The following TRIM44 variants were observed in gnomAD, a reference collection of about 807,000 sequenced individuals.
TRIM44 encodes tripartite motif containing 44.
TRIM44 carries 13 observed loss-of-function variants against 37.4 expected under a neutral mutation model. The observed-to-expected ratio is 0.35, with a 90% CI of 0.23 to 0.55. The LOEUF is 0.55. Among genes scored for constraint, TRIM44 ranks in the 20% least tolerant of loss-of-function variants. The pLI, the probability that TRIM44 is intolerant of heterozygous loss-of-function variation, is 0.89. For synonymous variants in TRIM44, 175 were observed against 157.2 expected (o/e 1.11, Z -0.85); for missense variants, 426 against 437.2 (o/e 0.97, Z 0.23).
At chr11:35,671,501 A>G (rs574369456) in intron 1 of TRIM44, among the ~76,000 whole-genome samples, 8 of 152,332 alleles carry the variant, frequency 5.3e-5, no homozygotes, top group Middle Eastern at 3.4e-3. Context: ...TAATTATACA[A>G]GTTTAGAATT....
chr11:35,786,919 A>G (rs1853138420), intron 4 of TRIM44, among the ~76,000 whole-genome samples: 1 of 152,020 alleles, frequency 6.6e-6, no homozygotes, highest in South Asian at 2.1e-4. Context: ...TTTCCCTCCA[A>G]GGTAGGAGGT....
intron 4 of TRIM44, among the ~76,000 whole-genome samples, chr11:35,745,578 AC>A (rs1403424648): frequency 6.6e-6 from 1 of 152,222 alleles, no homozygotes; most frequent in African/African-American, 2.4e-5. Flanking sequence ...TTTACCATAG[AC>A]CAGTTGATAT....
intron 4 of TRIM44, among the ~76,000 whole-genome samples, chr11:35,781,100 G>C (rs1853059280): frequency 6.6e-6 from 1 of 152,158 alleles, no homozygotes; most frequent in Admixed American, 6.5e-5. Flanking sequence ...CTACAATGTG[G>C]AAAGTGTTCA....
At chr11:35,768,927 GTGT>G (rs1852830704) in intron 4 of TRIM44, among the ~76,000 whole-genome samples, 2 of 152,174 alleles carry the variant, frequency 1.3e-5, no homozygotes, top group Non-Finnish European at 2.9e-5. Flanking sequence ...TAAAATGGTG[GTGT>G]TTTTTAATTT....
intron 4 of TRIM44, among the ~76,000 whole-genome samples, chr11:35,793,187 C>T (rs1304522128): frequency 6.8e-6 from 1 of 146,362 alleles, no homozygotes; most frequent in Non-Finnish European, 1.5e-5. Flanking sequence ...AAAAAGAAAT[C>T]TAGCTGTGCG....
At chr11:35,669,453 C>T (rs1015149374) in intron 1 of TRIM44, among the ~76,000 whole-genome samples, 2 of 144,054 alleles carry the variant, frequency 1.4e-5, no homozygotes, top group African/African-American at 2.6e-5. Context: ...TGGAAAGGAT[C>T]CCCTTTATTT....
Position 35,756,146 on chromosome 11 carries a change from G to C in TRIM44, c.1007+20701G>C, listed in dbSNP as rs921722110. Among the ~76,000 whole-genome samples, 279 of 152,282 alleles carry C rather than the reference G, an allele frequency of 1.8e-3. 2 individuals carry two copies. Among genetic ancestry groups the C allele is most frequent in the African/African-American group, 6.4e-3 (268 of 41,554 alleles). ...TTCTTCCTACGCATGAGCATGGAAT[G>C]TTCTTCCATTTGTTTGTATCCTCTT... is the stretch of plus-strand genomic sequence containing the variant. On this transcript the variant is annotated intron_variant, in intron 4 of 4. Coordinates refer to ENST00000299413, the MANE Select transcript of TRIM44 (RefSeq NM_017583.6).
intron 4 of TRIM44, among the ~76,000 whole-genome samples, chr11:35,746,711 G>A (rs192361022): frequency 3.5e-4 from 54 of 152,200 alleles, no homozygotes; most frequent in African/African-American, 1.3e-3. Context: ...TACCCTAAAT[G>A]GTGAGGTTTT....
At position 35,685,269 on chromosome 11, in the gene TRIM44, C is replaced by T; in HGVS notation, c.680C>T (p.Ser227Leu). The T allele has an allele frequency of 6.2e-7, 1 of 1,614,182 alleles. No individual in the cohort carries two copies. The highest frequency in any genetic ancestry group is 1.1e-5 in the South Asian group (1 of 91,082). Reference protein sequence around the residue: ...EAFEELRSKDSGGLKAAMIEL... With the variant: ...EAFEELRSKDLGGLKAAMIEL... ...TTTTCTTTCTTCTAGAGCAAAGACT[C>T]AGGTGGACTGAAGGCCGCTATGATC... The change falls in exon 2 of 5, where the codon TCA becomes TTA. Residue 227 changes from serine to leucine, a missense_variant. Ser to Leu is a moderately radical substitution (Grantham distance 145). Coordinates refer to ENST00000299413, the MANE Select transcript of TRIM44 (RefSeq NM_017583.6).
In TRIM44 at chr11:35,808,349, A is replaced by G. The variant is rs1853482775; in HGVS notation, c.*1964A>G. On this transcript the variant is annotated 3_prime_UTR_variant, in exon 5 of 5. Coordinates refer to ENST00000299413, the MANE Select transcript of TRIM44 (RefSeq NM_017583.6). ...ACAACCACCAATCATATCCAACAAAAGTACCCTAAAAGAAGGACCAGTGGC... is the reference window on the plus strand; with the variant it reads ...ACAACCACCAATCATATCCAACAAAGGTACCCTAAAAGAAGGACCAGTGGC... 6.6e-6 allele frequency: 1 copy of G among 152,206 alleles called. No individual in the cohort carries two copies. The highest frequency in any genetic ancestry group is 1.5e-5 in the Non-Finnish European group (1 of 68,038). The allele number at this position is 152,206 out of a possible 1,614,324, so 9.4% of individuals were successfully genotyped here.
At position 35,691,764 on chromosome 11, in the gene TRIM44, C is replaced by A. The variant is rs866384931; in HGVS notation, c.747+6428C>A. Among the ~76,000 whole-genome samples the A allele has an allele frequency of 3.3e-5, 5 of 152,302 alleles. No individual in the cohort carries two copies. In the South Asian group the frequency reaches 1.0e-3, roughly 32 times the overall value. On this transcript the variant is annotated intron_variant, in intron 2 of 4. Transcript: ENST00000299413. ...GGTTCACACCATTCTCCTGCCTCAG[C>A]CTCCCAAGTAGTTGGGACTATAGGC...
chr11:35,700,946 T>C (rs1434170800), intron 2 of TRIM44, among the ~76,000 whole-genome samples: 1 of 152,216 alleles, frequency 6.6e-6, no homozygotes, highest in Non-Finnish European at 1.5e-5. Context: ...TATATAAACA[T>C]TACACACACG....
chr11:35,671,507 G>T (rs1247376613), intron 1 of TRIM44, among the ~76,000 whole-genome samples: 1 of 152,162 alleles, frequency 6.6e-6, no homozygotes, highest in Non-Finnish European at 1.5e-5. Flanking sequence ...TACAAGTTTA[G>T]AATTGAGAGG....
In TRIM44 at chr11:35,817,767, TAAC is replaced by T. The variant is rs2059912951; in HGVS notation, c.*11387_*11389del. On this transcript the variant is annotated 3_prime_UTR_variant, in exon 5 of 5. Transcript: ENST00000299413. ...ATCATGGGGGAGTTTTCTCATGATT[TAAC>T]AACATCCGCCCTTTGTTGTCATGAT... 2 of 152,208 alleles carry T rather than the reference TAAC, an allele frequency of 1.3e-5. No individual in the cohort carries two copies. Among genetic ancestry groups the T allele is most frequent in the Admixed American group, 6.5e-5 (1 of 15,292 alleles). 9.4% of individuals were successfully genotyped at this position (152,208 alleles called of 1,614,324 possible). A position where few individuals can be genotyped will look rare whatever the true frequency, so the allele number is the denominator to read the frequency against.
At chr11:35,769,852 T>C (rs1452584724) in intron 4 of TRIM44, among the ~76,000 whole-genome samples, 1 of 152,222 alleles carries the variant, frequency 6.6e-6, no homozygotes, top group Non-Finnish European at 1.5e-5. Context: ...CAATGGATGA[T>C]GTCACCAAAA....
chr11:35,807,835 A>C lies in TRIM44; in HGVS notation c.*1450A>C, dbSNP rs1010854233. 1 of 152,150 alleles carries C rather than the reference A, an allele frequency of 6.6e-6. No individual in the cohort carries two copies. Among genetic ancestry groups the C allele is most frequent in the Non-Finnish European group, 1.5e-5 (1 of 68,022 alleles). The allele number at this position is 152,150 out of a possible 1,614,324, so 9.4% of individuals were successfully genotyped here. A position where few individuals can be genotyped will look rare whatever the true frequency, so the allele number is the denominator to read the frequency against. ...GTGTTCACTTACGAAGCATACAACTAGAACCATATCCAAGCAGACTCTGGG... is the reference window on the plus strand; with the variant it reads ...GTGTTCACTTACGAAGCATACAACTCGAACCATATCCAAGCAGACTCTGGG... On this transcript the variant is annotated 3_prime_UTR_variant, in exon 5 of 5. Transcript: ENST00000299413.
At chr11:35,678,987 A>AT (rs200176750) in intron 1 of TRIM44, among the ~76,000 whole-genome samples, 1,429 of 140,492 alleles carry the variant, frequency 0.01, 9 homozygotes, top group African/African-American at 0.012. Context: ...AGTTGGATTG[A>AT]TTTTTTTTTT....
At chr11:35,706,060 T>C (rs188089186) in intron 2 of TRIM44, among the ~76,000 whole-genome samples, 1,989 of 148,078 alleles carry the variant, frequency 0.013, 97 homozygotes, top group African/African-American at 0.045. Flanking sequence ...ATAGACACAA[T>C]AAAAAATGAT....
At chr11:35,679,415 CT>C (rs1204847908) in intron 1 of TRIM44, among the ~76,000 whole-genome samples, 1 of 152,122 alleles carries the variant, frequency 6.6e-6, no homozygotes, top group Admixed American at 6.5e-5. Flanking sequence ...GTAATATGTA[CT>C]CCTTTGAAGA....
Sources: allele counts gnomAD v4.1 joint callset (sites outside exome capture counted in the v4.1 genomes callset), GRCh38; gene constraint gnomAD v4.1.1; transcripts MANE v1.5; gene names NCBI Gene and HGNC (gene_info 2026-07-23, HGNC 2026-07-21).